OCA2: variants seen among roughly 807,000 people sequenced by gnomAD.
The protein encoded by OCA2 is P protein.
A neutral mutation model predicts 100.2 loss-of-function variants in OCA2; 77 were observed. That is an observed-to-expected ratio of 0.77 (90% CI 0.64 to 0.93). The LOEUF is 0.93. Ranked by LOEUF, OCA2 falls within the 40% of genes least tolerant of loss-of-function variation. The probability of loss-of-function intolerance (pLI) is 0.00; values close to 1 mark genes in which losing one functional copy is unlikely to be tolerated. For synonymous variants in OCA2, 432 were observed against 439.2 expected (o/e 0.98, Z 0.21); for missense variants, 1,062 against 1,089.1 (o/e 0.98, Z 0.35).
At chr15:27,863,007 C>T (rs766070733) in intron 21 of OCA2, among the ~76,000 whole-genome samples, 5 of 152,202 alleles carry the variant, frequency 3.3e-5, no homozygotes, top group Non-Finnish European at 7.3e-5. Flanking sequence ...GACCTCTGGC[C>T]CAGGCAATGG....
intron 19 of OCA2, among the ~76,000 whole-genome samples, chr15:27,901,316 C>A (rs1444575304): frequency 6.6e-6 from 1 of 152,244 alleles, no homozygotes; most frequent in African/African-American, 2.4e-5. Context: ...CTCCCCAGCC[C>A]TGCTGCTGGC....
At chr15:28,075,484 T>C (rs1166252135) in intron 2 of OCA2, among the ~76,000 whole-genome samples, 1 of 152,182 alleles carries the variant, frequency 6.6e-6, no homozygotes, top group Non-Finnish European at 1.5e-5. Context: ...AAATGCAAAA[T>C]GGTACAGCTT....
In OCA2 at chr15:27,926,766, C is replaced by T. The variant is rs113500342; in HGVS notation, c.1952-512G>A. Among the ~76,000 whole-genome samples, 629 of 152,084 alleles carry T rather than the reference C, an allele frequency of 4.1e-3. 7 individuals carry two copies. The Middle Eastern group carries it at 0.051, about 12-fold the overall frequency. On this transcript the variant is annotated intron_variant, in intron 18 of 23. Transcript: ENST00000354638. ...TAGCTGGGATTACAGTCATGCACCA[C>T]CACACCCAGTTAACTTTTTCTATTT... is the stretch of plus-strand genomic sequence containing the variant.
At chr15:28,004,581 C>T (rs1230347341) in intron 9 of OCA2, among the ~76,000 whole-genome samples, 1 of 152,046 alleles carries the variant, frequency 6.6e-6, no homozygotes, top group Non-Finnish European at 1.5e-5. Context: ...CTCACACTCA[C>T]ACACTAACTG....
At chr15:27,846,132 G>A (rs1165873026) in intron 22 of OCA2, among the ~76,000 whole-genome samples, 1 of 152,046 alleles carries the variant, frequency 6.6e-6, no homozygotes, top group Non-Finnish European at 1.5e-5. Context: ...GCCTGGAGCA[G>A]CTGCGATATG....
chr15:27,781,203 C>T (rs1207811592), intron 23 of OCA2, among the ~76,000 whole-genome samples: 1 of 152,182 alleles, frequency 6.6e-6, no homozygotes, highest in South Asian at 2.1e-4. Context: ...ATCTCTATTC[C>T]CTGCAGCAAT....
In OCA2 at chr15:27,936,998, C is replaced by T. The variant is rs374861730; in HGVS notation, c.1952-10744G>A. ...GACAGGCCAGTGGCGGGGGAGGGGA[C>T]GCTGCTGACTTTCCCCTCCCTCTCT... On this transcript the variant is annotated intron_variant, in intron 18 of 23. Transcript: ENST00000354638. Among the ~76,000 whole-genome samples, 11 of 151,962 alleles carry T rather than the reference C, an allele frequency of 7.2e-5. No homozygotes were observed. In the East Asian group the frequency reaches 9.7e-4, roughly 13 times the overall value.
intron 19 of OCA2, among the ~76,000 whole-genome samples, chr15:27,911,112 C>A (rs2038379723): frequency 6.6e-6 from 1 of 152,154 alleles, no homozygotes; most frequent in South Asian, 2.1e-4. Flanking sequence ...ATATACATTT[C>A]TGTATGGCTT....
At chr15:28,083,112 C>G (rs1208628091) in intron 1 of OCA2, among the ~76,000 whole-genome samples, 1 of 152,154 alleles carries the variant, frequency 6.6e-6, no homozygotes, top group African/African-American at 2.4e-5. Flanking sequence ...AGTAGTGTAT[C>G]ACCACTCCTA....
chr15:27,896,756 G>T (rs755568290), intron 19 of OCA2, among the ~76,000 whole-genome samples: 3 of 152,116 alleles, frequency 2.0e-5, no homozygotes, highest in Non-Finnish European at 4.4e-5. Flanking sequence ...TGGAAAATTT[G>T]CAGCCTGACA....
At chr15:28,019,954 G>C (rs2042539593) in intron 6 of OCA2, among the ~76,000 whole-genome samples, 1 of 152,204 alleles carries the variant, frequency 6.6e-6, no homozygotes, top group Non-Finnish European at 1.5e-5. Context: ...TTTCCAAGGA[G>C]CCTGCTGGAG....
At chr15:28,004,943 G>A (rs898314561) in intron 9 of OCA2, among the ~76,000 whole-genome samples, 4 of 152,160 alleles carry the variant, frequency 2.6e-5, no homozygotes, top group African/African-American at 9.7e-5. Context: ...CCATCAGACT[G>A]TGGGGGAGGA....
intron 19 of OCA2, among the ~76,000 whole-genome samples, chr15:27,907,631 G>A (rs1221609803): frequency 2.0e-5 from 3 of 151,992 alleles, no homozygotes; most frequent in African/African-American, 7.2e-5. Context: ...AGGGGAAAAG[G>A]GGGAAAAAGC....
In OCA2 at chr15:28,043,435, A is replaced by T. The variant is rs1005917515; in HGVS notation, c.228-11272T>A. On this transcript the variant is annotated intron_variant, in intron 2 of 23. Coordinates refer to ENST00000354638, the MANE Select transcript of OCA2 (RefSeq NM_000275.3). This position sits in a 1 kb window ranked among gnomAD's most constrained non-coding sequence, Gnocchi z 4.4. ...ATCGCTCAATAAATCTCCAAAAATC[A>T]CAATAAAGAAGATTGGTGCCCATTT... Among the ~76,000 whole-genome samples the T allele has an allele frequency of 1.3e-5, 2 of 152,202 alleles. No individual in the cohort carries two copies. Among genetic ancestry groups the T allele is most frequent in the Non-Finnish European group, 2.9e-5 (2 of 68,040 alleles).
intron 23 of OCA2, among the ~76,000 whole-genome samples, chr15:27,779,784 G>A (rs547950362): frequency 3.3e-5 from 5 of 152,140 alleles, no homozygotes; most frequent in Non-Finnish European, 5.9e-5. Context: ...GATAGGGAAG[G>A]ATTTACTATT....
At chr15:28,097,804 G>T (rs569548631) in intron 1 of OCA2, among the ~76,000 whole-genome samples, 1 of 152,274 alleles carries the variant, frequency 6.6e-6, no homozygotes, top group East Asian at 1.9e-4. Context: ...GCTCACCAGT[G>T]CTTCCCTGCC....
At chr15:27,770,917 C>T (rs1481869642) in intron 23 of OCA2, among the ~76,000 whole-genome samples, 2 of 139,890 alleles carry the variant, frequency 1.4e-5, no homozygotes, top group African/African-American at 5.4e-5. Flanking sequence ...CTTCCCTCCT[C>T]CCTCCCTCTT....
At chr15:27,827,084 A>G (rs2034756393) in intron 23 of OCA2, among the ~76,000 whole-genome samples, 1 of 152,232 alleles carries the variant, frequency 6.6e-6, no homozygotes, top group African/African-American at 2.4e-5. Flanking sequence ...AGCCTCTCAC[A>G]AACGTTCGCC....
At chr15:28,080,900 A>C (rs1413119726) in intron 2 of OCA2, among the ~76,000 whole-genome samples, 2 of 152,240 alleles carry the variant, frequency 1.3e-5, no homozygotes, top group Non-Finnish European at 2.9e-5. Context: ...AAATATTTAA[A>C]GATGTATCAA....
Sources: allele counts gnomAD v4.1 joint callset (sites outside exome capture counted in the v4.1 genomes callset), GRCh38; gene constraint gnomAD v4.1.1; non-coding constraint Gnocchi (gnomAD v3.1); transcripts MANE v1.5; gene names NCBI Gene and HGNC (gene_info 2026-07-23, HGNC 2026-07-21).